ZNF521: variants seen among roughly 807,000 people sequenced by gnomAD.
ZNF521 encodes zinc finger protein 521.
In ZNF521, 14 loss-of-function variants were observed where a neutral mutation model predicts 105.5. The ratio of observed to expected loss-of-function variants is 0.13; its 90% confidence interval spans 0.09 to 0.21. The LOEUF is 0.21. Ranked by LOEUF, ZNF521 falls within the 10% of genes least tolerant of loss-of-function variation. ZNF521 has a pLI of 1.00. For synonymous variants in ZNF521, 635 were observed against 606.0 expected, an observed-to-expected ratio of 1.05 and a Z score of -0.70; for missense variants, 1,233 against 1,629.7, an observed-to-expected ratio of 0.76 and a Z score of 4.19.
At chr18:25,187,772 G>A (rs1054450718) in intron 5 of ZNF521, among the ~76,000 whole-genome samples, 3 of 152,086 alleles carry the variant, frequency 2.0e-5, no homozygotes, top group African/African-American at 4.8e-5. Context: ...TAGCTTCTTT[G>A]TTCACAGAAG....
intron 5 of ZNF521, among the ~76,000 whole-genome samples, chr18:25,193,414 G>A (rs1259829651): frequency 6.6e-6 from 1 of 151,994 alleles, no homozygotes; most frequent in Non-Finnish European, 1.5e-5. Flanking sequence ...TAGAACTAAT[G>A]AGAAGCATGA....
chr18:25,331,014 C>A (rs189533327), intron 2 of ZNF521, among the ~76,000 whole-genome samples: 1 of 152,256 alleles, frequency 6.6e-6, no homozygotes, highest in East Asian at 1.9e-4. Context: ...TTTTTGTAAC[C>A]GTGTTGTTTT....
intron 2 of ZNF521, among the ~76,000 whole-genome samples, chr18:25,333,465 G>A (rs1409053744): frequency 6.6e-6 from 1 of 151,952 alleles, no homozygotes; most frequent in South Asian, 2.1e-4. Flanking sequence ...CGCTGTTGCT[G>A]TTTGTATTTT....
intron 4 of ZNF521, among the ~76,000 whole-genome samples, chr18:25,207,322 G>C (rs867753438): frequency 1.4e-5 from 2 of 138,248 alleles, no homozygotes; most frequent in South Asian, 2.5e-4. Flanking sequence ...TGGTGTGGCG[G>C]CTCATTTACA....
intron 3 of ZNF521, among the ~76,000 whole-genome samples, chr18:25,256,349 A>C (rs944825960): frequency 9.2e-5 from 14 of 152,136 alleles, no homozygotes; most frequent in African/African-American, 3.4e-4. Flanking sequence ...AATGATGTGA[A>C]TGTACGTAAC....
At chr18:25,084,833 T>C (rs1034761992) in intron 7 of ZNF521, among the ~76,000 whole-genome samples, 2 of 152,150 alleles carry the variant, frequency 1.3e-5, no homozygotes, top group African/African-American at 2.4e-5. Context: ...TAAACAGCAA[T>C]TAGTGTACTG....
At chr18:25,344,527 A>T (rs6508364) in intron 2 of ZNF521, among the ~76,000 whole-genome samples, 2 of 152,158 alleles carry the variant, frequency 1.3e-5, no homozygotes, top group Non-Finnish European at 2.9e-5. Context: ...ATTGAAATGG[A>T]ATTAGAAAGT....
chr18:25,282,484 A>T (rs562663974), intron 3 of ZNF521, among the ~76,000 whole-genome samples: 1 of 152,136 alleles, frequency 6.6e-6, no homozygotes, highest in Non-Finnish European at 1.5e-5. Flanking sequence ...GTTTGGAAAG[A>T]GGAAGTCTGC....
chr18:25,125,868 A>AT (rs2034530360), intron 5 of ZNF521, among the ~76,000 whole-genome samples: 1 of 151,960 alleles, frequency 6.6e-6, no homozygotes, highest in Non-Finnish European at 1.5e-5. Context: ...ATTTTGCAAG[A>AT]ATTTGGCCAT....
chr18:25,147,965 A>G (rs1337637116), intron 5 of ZNF521, among the ~76,000 whole-genome samples: 1 of 152,060 alleles, frequency 6.6e-6, no homozygotes, highest in Non-Finnish European at 1.5e-5. Flanking sequence ...GCTGAGTTCT[A>G]CCCCCATCTC....
At chr18:25,179,281 G>GTAGCTAGGAT (rs2035589968) in intron 5 of ZNF521, among the ~76,000 whole-genome samples, 1 of 151,208 alleles carries the variant, frequency 6.6e-6, no homozygotes, top group Non-Finnish European at 1.5e-5. Flanking sequence ...AGCCTCCAGA[G>GTAGCTAGGAT]TAGCTAGGAT....
intron 2 of ZNF521, among the ~76,000 whole-genome samples, chr18:25,334,184 C>A (rs188272574): frequency 2.3e-5 from 3 of 130,324 alleles, no homozygotes; most frequent in Admixed American, 8.3e-5. Flanking sequence ...TGTCAGGATT[C>A]CACTGCTTTT....
intron 3 of ZNF521, among the ~76,000 whole-genome samples, chr18:25,293,179 A>C (rs1251184075): frequency 6.6e-6 from 1 of 152,220 alleles, no homozygotes. Context: ...CATTTTAATC[A>C]ATAATTAAAG....
chr18:25,341,203 T>C (rs11874315), intron 2 of ZNF521, among the ~76,000 whole-genome samples: 69,213 of 151,948 alleles, frequency 0.46, 16,120 homozygotes, highest in Middle Eastern at 0.51. Flanking sequence ...AGGGGAAAAA[T>C]AGTCAAACCT....
chr18:25,153,618 C>A lies in ZNF521; in HGVS notation c.3658+41542G>T, dbSNP rs532674287. On this transcript the variant is annotated intron_variant, in intron 5 of 7. Coordinates refer to ENST00000361524, the MANE Select transcript of ZNF521 (RefSeq NM_015461.3). ...TACAGACAGCATCTGGGAAACTGCA[C>A]TGCGGATGTCTCCACAGAGAATCAC... 1.3e-4 allele frequency among the ~76,000 whole-genome samples: 20 copies of A among 152,328 alleles called. No individual in the cohort carries two copies. The East Asian group carries it at 3.9e-3, about 29-fold the overall frequency.
At chr18:25,218,215 G>A (rs1905460108) in intron 4 of ZNF521, among the ~76,000 whole-genome samples, 1 of 152,214 alleles carries the variant, frequency 6.6e-6, no homozygotes, top group East Asian at 1.9e-4. Context: ...TGTTTTAGAT[G>A]GATGGTTCTG....
chr18:25,097,586 A>G (rs1441773265), intron 5 of ZNF521, among the ~76,000 whole-genome samples: 1 of 152,082 alleles, frequency 6.6e-6, no homozygotes, highest in African/African-American at 2.4e-5. Context: ...GCCACATGAG[A>G]GAGGAACAGA....
chr18:25,155,727 A>G (rs1376190017), intron 5 of ZNF521, among the ~76,000 whole-genome samples: 1 of 152,064 alleles, frequency 6.6e-6, no homozygotes, highest in Non-Finnish European at 1.5e-5. Flanking sequence ...TTAGTTGTCC[A>G]TATATGTTTG....
chr18:25,186,841 G>A (rs1340370373), intron 5 of ZNF521, among the ~76,000 whole-genome samples: 1 of 137,612 alleles, frequency 7.3e-6, no homozygotes, highest in Non-Finnish European at 1.5e-5. Flanking sequence ...TGAATTAAGA[G>A]ATAAAAACCT....
Sources: gnomAD v4.1 joint callset for allele counts (sites outside exome capture counted in the v4.1 genomes callset) on GRCh38, gnomAD v4.1.1 for gene constraint, MANE v1.5 for transcripts, NCBI Gene and HGNC (gene_info 2026-07-23, HGNC 2026-07-21) for gene names.